FYB1: variants seen among roughly 807,000 people sequenced by gnomAD.
The protein encoded by FYB1 is FYN-binding protein 1.
Under a neutral mutation model 94.1 loss-of-function variants are expected in FYB1, and 41 were observed. That is an observed-to-expected ratio of 0.44 (90% CI 0.34 to 0.57). FYB1 has a LOEUF of 0.57. Among genes scored for constraint, FYB1 ranks in the 20% least tolerant of loss-of-function variants. The pLI, the probability that FYB1 is intolerant of heterozygous loss-of-function variation, is 0.02. For synonymous variants in FYB1, 367 were observed against 353.2 expected, an observed-to-expected ratio of 1.04 and a Z score of -0.44; for missense variants, 1,050 against 976.8, an observed-to-expected ratio of 1.07 and a Z score of -1.00.
chr5:39,181,760 A>G (rs773441851), intron 2 of FYB1, among the ~76,000 whole-genome samples: 8 of 152,074 alleles, frequency 5.3e-5, no homozygotes, highest in Non-Finnish European at 1.2e-4. Context: ...CAACCAATCC[A>G]TTATTTTCTA....
At chr5:39,252,457 A>T (rs1216374476) in intron 1 of FYB1, among the ~76,000 whole-genome samples, 1 of 152,202 alleles carries the variant, frequency 6.6e-6, no homozygotes, top group Non-Finnish European at 1.5e-5. Flanking sequence ...TATATTTTTG[A>T]TCACACACAC....
chr5:39,107,351 A>G lies in FYB1; in HGVS notation c.*92T>C, dbSNP rs1738624955. The G allele has an allele frequency of 1.2e-6, 1 of 817,114 alleles. No homozygotes were observed. 50.6% of individuals were successfully genotyped at this position (817,114 alleles called of 1,614,324 possible). On this transcript the variant is annotated 3_prime_UTR_variant, in exon 19 of 19. Coordinates refer to ENST00000512982, the MANE Select transcript of FYB1 (RefSeq NM_001465.6). ...CAAATGATAATAAGTGGTTTTGTGCATTAATTTTCTTGATACCCAATAACA... is the reference window on the plus strand; with the variant it reads ...CAAATGATAATAAGTGGTTTTGTGCGTTAATTTTCTTGATACCCAATAACA...
At chr5:39,220,417 G>T, upstream of FYB1, among the ~76,000 whole-genome samples, 1 of 109,122 alleles carries the variant, frequency 9.2e-6, no homozygotes, top group Admixed American at 9.8e-5. Context: ...CTGTCTGAAG[G>T]AAAAAAAAAA....
chr5:39,222,611 A>G (rs1283736678), upstream of FYB1, among the ~76,000 whole-genome samples: 2 of 152,246 alleles, frequency 1.3e-5, no homozygotes, highest in Non-Finnish European at 1.5e-5. Context: ...AATGGTCTCT[A>G]TGCTTAGTAG....
chr5:39,268,165 G>C (rs917450211), intron 1 of FYB1, among the ~76,000 whole-genome samples: 15 of 151,988 alleles, frequency 9.9e-5, no homozygotes, highest in African/African-American at 3.4e-4. Context: ...TACTAACCTG[G>C]TGATTGTCCC....
At chr5:39,256,895 C>T (rs1176090306) in intron 1 of FYB1, among the ~76,000 whole-genome samples, 1 of 152,158 alleles carries the variant, frequency 6.6e-6, no homozygotes, top group Non-Finnish European at 1.5e-5. Flanking sequence ...TTCAAAGTTG[C>T]AATGAGTAAA....
At chr5:39,124,685 C>A (rs1740457116) in intron 12 of FYB1, among the ~76,000 whole-genome samples, 1 of 151,962 alleles carries the variant, frequency 6.6e-6, no homozygotes, top group African/African-American at 2.4e-5. Context: ...AATTAAAGAG[C>A]AGAAATACAG....
At chr5:39,206,018 T>C (rs1748820508) in intron 1 of FYB1, among the ~76,000 whole-genome samples, 1 of 152,234 alleles carries the variant, frequency 6.6e-6, no homozygotes. Flanking sequence ...ATTATTTCTC[T>C]ATGTGACCAA....
chr5:39,138,967 CA>C lies in FYB1; in HGVS notation c.1359+265del, dbSNP rs1351438357. Reference sequence around the variant, plus strand: ...TAGAAATAGACTGGGAAAGCAAAAACAAAATTTCCTTTTCTATCTTGCTATA... The same window carrying C: ...TAGAAATAGACTGGGAAAGCAAAAACAAATTTCCTTTTCTATCTTGCTATA... On this transcript the variant is annotated intron_variant, in intron 5 of 18. Coordinates refer to ENST00000512982, the MANE Select transcript of FYB1 (RefSeq NM_001465.6). The C allele has an allele frequency of 5.5e-6, 3 of 543,372 alleles. No individual in the cohort carries two copies. In the African/African-American group the frequency reaches 5.7e-5, roughly 10 times the overall value. The allele number at this position is 543,372 out of a possible 1,614,324, so 33.7% of individuals were successfully genotyped here.
chr5:39,179,549 T>C (rs1156912051), intron 2 of FYB1, among the ~76,000 whole-genome samples: 1 of 32,930 alleles, frequency 3.0e-5, no homozygotes, highest in Non-Finnish European at 2.4e-4. Flanking sequence ...TTCTTTTTTC[T>C]TTTTTTTTTT....
upstream of FYB1, among the ~76,000 whole-genome samples, chr5:39,224,023 G>A (rs115553466): frequency 8.9e-3 from 1,351 of 152,188 alleles, 18 homozygotes; most frequent in African/African-American, 0.028. Context: ...TTGTCAATGT[G>A]CTTGCTTCTC....
chr5:39,216,445 T>C (rs1218763799), intron 1 of FYB1, among the ~76,000 whole-genome samples: 3 of 152,166 alleles, frequency 2.0e-5, no homozygotes, highest in Non-Finnish European at 4.4e-5. Context: ...ATGTGCGGGA[T>C]GTGCAGGTTT....
At chr5:39,118,292 T>A (rs140246250) in intron 16 of FYB1, among the ~76,000 whole-genome samples, 1 of 152,174 alleles carries the variant, frequency 6.6e-6, no homozygotes, top group Non-Finnish European at 1.5e-5. Context: ...ACTAAGTGTG[T>A]TCAAATAGGA....
intron 1 of FYB1, among the ~76,000 whole-genome samples, chr5:39,267,737 C>A (rs771887385): frequency 6.6e-6 from 1 of 152,224 alleles, no homozygotes; most frequent in South Asian, 2.1e-4. Context: ...GAGAAATTCA[C>A]TTACTATGCC....
At chr5:39,109,894 C>T (rs1057434360) in intron 17 of FYB1, among the ~76,000 whole-genome samples, 1 of 152,084 alleles carries the variant, frequency 6.6e-6, no homozygotes, top group Non-Finnish European at 1.5e-5. Flanking sequence ...TAGTACTCTA[C>T]TATGCCTAGT....
chr5:39,126,378 A>G (rs1286729973), intron 11 of FYB1, among the ~76,000 whole-genome samples: 1 of 152,096 alleles, frequency 6.6e-6, no homozygotes, highest in Non-Finnish European at 1.5e-5. Flanking sequence ...CACTTCTTAA[A>G]ATGTGAAGCA....
intron 2 of FYB1, chr5:39,169,642 C>T (rs1745068461): frequency 6.8e-6 from 3 of 441,328 alleles, no homozygotes; most frequent in African/African-American, 2.0e-5. Context: ...GTCAGGAGTT[C>T]GAGACCAGTC....
At chr5:39,146,636 T>C (rs1426591519) in intron 3 of FYB1, among the ~76,000 whole-genome samples, 1 of 152,196 alleles carries the variant, frequency 6.6e-6, no homozygotes, top group African/African-American at 2.4e-5. Context: ...CTAAAACACC[T>C]GTATGAATAA....
chr5:39,266,769 C>T lies in FYB1; in HGVS notation c.-28+7634G>A, dbSNP rs550669332. Among the ~76,000 whole-genome samples, 9 of 152,292 alleles carry T rather than the reference C, an allele frequency of 5.9e-5. No individual in the cohort carries two copies. The East Asian group carries it at 1.5e-3, about 26-fold the overall frequency. ...TCTCTCATCCCAGTGGCCTCTGCAA[C>T]ATTTCAATAAAGTGCACTTTCTGAA... On this transcript the variant is annotated intron_variant, in intron 1 of 1. Transcript: ENST00000510188.
Sources: allele counts gnomAD v4.1 joint callset (sites outside exome capture counted in the v4.1 genomes callset), GRCh38; gene constraint gnomAD v4.1.1; transcripts MANE v1.5; gene names NCBI Gene and HGNC (gene_info 2026-07-23, HGNC 2026-07-21).